The following AFF3 variants were observed in gnomAD, a reference collection of about 807,000 sequenced individuals.
The protein encoded by AFF3 is ALF transcription elongation factor 3.
In AFF3, 32 loss-of-function variants were observed where a neutral mutation model predicts 129.7. The ratio of observed to expected loss-of-function variants is 0.25; its 90% CI spans 0.19 to 0.33. The LOEUF (loss-of-function observed/expected upper bound fraction) is 0.33. AFF3 is among the 10% of genes least tolerant of loss of function. The pLI, the probability that AFF3 is intolerant of heterozygous loss-of-function variation, is 1.00. For synonymous variants in AFF3, 644 were observed against 635.4 expected, an observed-to-expected ratio of 1.01 and a Z score of -0.20; for missense variants, 1,373 against 1,592.0, an observed-to-expected ratio of 0.86 and a Z score of 2.34.
chr2:99,583,067 T>C (rs1677735994), intron 16 of AFF3, 68 bp from the exon 17 acceptor site: 13 of 1,483,902 alleles, frequency 8.8e-6, no homozygotes, highest in Non-Finnish European at 1.2e-5. Context: ...TGTTTTCATA[T>C]GACCCAAACC....
At chr2:99,665,102 G>C (rs1686562520) in intron 12 of AFF3, among the ~76,000 whole-genome samples, 1 of 152,230 alleles carries the variant, frequency 6.6e-6, no homozygotes, top group Non-Finnish European at 1.5e-5. Flanking sequence ...GGCCACAAAT[G>C]AGCTCAGTGT....
intron 4 of AFF3, among the ~76,000 whole-genome samples, chr2:100,033,967 A>G (rs1684714093): frequency 6.6e-6 from 1 of 152,184 alleles, no homozygotes; most frequent in Non-Finnish European, 1.5e-5. Flanking sequence ...TAATTCTCAC[A>G]ATACATATTA....
chr2:99,842,927 A>T (rs891518887), intron 7 of AFF3, among the ~76,000 whole-genome samples: 9 of 152,238 alleles, frequency 5.9e-5, no homozygotes, highest in African/African-American at 2.2e-4. Flanking sequence ...TCTTTATCAC[A>T]CACATTTCAG....
intron 7 of AFF3, among the ~76,000 whole-genome samples, chr2:99,958,036 A>C (rs1355714486): frequency 4.6e-5 from 7 of 152,214 alleles, no homozygotes. Context: ...ATTGTGATGC[A>C]TCCTGCCCCA....
chr2:99,904,547 T>C lies in AFF3; in HGVS notation c.874-67023A>G, dbSNP rs75337760. Among the ~76,000 whole-genome samples, 753 of 152,326 alleles carry C rather than the reference T, an allele frequency of 4.9e-3. 8 individuals carry two copies. The highest frequency in any genetic ancestry group is 0.017 in the African/African-American group (719 of 41,584). On this transcript the variant is annotated intron_variant, in intron 7 of 24. Transcript: ENST00000672756. ...TAGTTGATATAACAATATCAGACTC[T>C]GAAATCTGAAACTTGAATACTCTGA...
At chr2:99,757,635 A>T (rs1249397219) in intron 8 of AFF3, among the ~76,000 whole-genome samples, 1 of 152,276 alleles carries the variant, frequency 6.6e-6, no homozygotes, top group East Asian at 1.9e-4. Context: ...CAGCAGCTGG[A>T]CTTAACCATA....
At chr2:99,923,544 A>C (rs1422102495) in intron 7 of AFF3, among the ~76,000 whole-genome samples, 1 of 152,214 alleles carries the variant, frequency 6.6e-6, no homozygotes, top group East Asian at 1.9e-4. Flanking sequence ...GACCAACGAA[A>C]GATGATCAGG....
intron 13 of AFF3, among the ~76,000 whole-genome samples, chr2:99,635,925 T>A (rs1382399410): frequency 2.0e-5 from 3 of 152,088 alleles, no homozygotes; most frequent in African/African-American, 7.2e-5. Context: ...GCCCCCCACA[T>A]CTGCCAGGAC....
intron 2 of AFF3, among the ~76,000 whole-genome samples, chr2:100,114,387 A>T (rs1333617308): frequency 1.3e-5 from 2 of 152,112 alleles, no homozygotes; most frequent in Non-Finnish European, 2.9e-5. Flanking sequence ...CCAGCCCTGC[A>T]CTGTGTTTTT....
At chr2:99,919,514 T>C (rs568960648) in intron 7 of AFF3, among the ~76,000 whole-genome samples, 2 of 152,272 alleles carry the variant, frequency 1.3e-5, no homozygotes, top group East Asian at 3.9e-4. Context: ...AATAGGTGAA[T>C]TCTGTTCATT....
intron 7 of AFF3, among the ~76,000 whole-genome samples, chr2:99,865,431 T>C (rs968149438): frequency 7.2e-5 from 11 of 152,264 alleles, no homozygotes; most frequent in South Asian, 6.2e-4. Context: ...GGCTGTCAAA[T>C]TGCTTGGGTG....
intron 4 of AFF3, among the ~76,000 whole-genome samples, chr2:100,071,667 G>C (rs1688195516): frequency 1.3e-5 from 2 of 152,126 alleles, no homozygotes. Context: ...TTAAATTGCT[G>C]GCATGGCGAT....
At chr2:100,060,407 C>T (rs918638387) in intron 4 of AFF3, among the ~76,000 whole-genome samples, 1 of 152,144 alleles carries the variant, frequency 6.6e-6, no homozygotes, top group African/African-American at 2.4e-5. Context: ...GTCATTTTGG[C>T]TCCAAAGGCT....
At chr2:99,959,971 A>G (rs1487216005) in intron 7 of AFF3, among the ~76,000 whole-genome samples, 2 of 152,046 alleles carry the variant, frequency 1.3e-5, no homozygotes, top group African/African-American at 4.8e-5. Context: ...AAGGACAGGG[A>G]TTTGTATGTG....
rs896310130 is a variant in AFF3 at position 99,917,866 on chromosome 2, C to A, written c.874-80342G>T. The stretch of plus-strand genomic sequence containing the variant: ...CAAGGAAACTGCATTATCTGCCCTG[C>A]GAACAGTGCGCAAAAAAATTCTGTT... On this transcript the variant is annotated intron_variant, in intron 7 of 24. Transcript: ENST00000672756. 2.6e-5 allele frequency among the ~76,000 whole-genome samples: 4 copies of A among 151,956 alleles called. 1 individual carries two copies.
chr2:99,575,443 T>A (rs1676898743), intron 18 of AFF3, among the ~76,000 whole-genome samples: 2 of 146,416 alleles, frequency 1.4e-5, no homozygotes, highest in Admixed American at 1.4e-4. Flanking sequence ...GTATTTTTAG[T>A]AGAGATGGGG....
intron 22 of AFF3, among the ~76,000 whole-genome samples, chr2:99,557,279 C>CTT (rs201716560): frequency 3.1e-4 from 42 of 133,644 alleles, no homozygotes; most frequent in African/African-American, 8.0e-4. Context: ...TTGTGTTTTC[C>CTT]TTTTTTTTTT....
At chr2:99,928,459 G>A (rs1454232598) in intron 7 of AFF3, among the ~76,000 whole-genome samples, 1 of 152,042 alleles carries the variant, frequency 6.6e-6, no homozygotes, top group Non-Finnish European at 1.5e-5. Flanking sequence ...ATATTTCCAG[G>A]TCATCTTCAC....
chr2:99,782,317 T>C (rs1684478109), intron 8 of AFF3, among the ~76,000 whole-genome samples: 1 of 152,184 alleles, frequency 6.6e-6, no homozygotes, highest in African/African-American at 2.4e-5. Context: ...GGATTCCCTT[T>C]TTATGTTTTT....
Sources: gnomAD v4.1 joint callset for allele counts (sites outside exome capture counted in the v4.1 genomes callset) on GRCh38, gnomAD v4.1.1 for gene constraint, MANE v1.5 for transcripts, NCBI Gene and HGNC (gene_info 2026-07-23, HGNC 2026-07-21) for gene names.